The following RALGPS1 variants were observed in gnomAD, a reference collection of about 807,000 sequenced individuals.
RALGPS1 encodes the protein Ral GEF with PH domain and SH3 binding motif 1, also known as ras-specific guanine nucleotide-releasing factor RalGPS1.
Under a neutral mutation model 78.8 loss-of-function variants are expected in RALGPS1, and 19 were observed. The observed-to-expected ratio is 0.24, with a 90% CI of 0.17 to 0.35. The LOEUF (loss-of-function observed/expected upper bound fraction) is 0.35, where lower values mean the gene tolerates loss of function less well. RALGPS1 is among the 10% of genes least tolerant of loss of function. The pLI is 1.00. For missense variants in RALGPS1, 454 were observed against 688.3 expected (o/e 0.66, Z 3.81); for synonymous variants, 228 against 256.3 (o/e 0.89, Z 1.06).
At position 127,183,391 on chromosome 9, in the gene RALGPS1, T is replaced by C. The variant is rs2060410929; in HGVS notation, c.910+8609T>C. 6.6e-6 allele frequency among the ~76,000 whole-genome samples: 1 copy of C among 152,128 alleles called. No individual in the cohort carries two copies. Among genetic ancestry groups the C allele is most frequent in the Admixed American group, 6.5e-5 (1 of 15,268 alleles). Reference sequence around the variant, plus strand: ...TTCCATGCCCCCCCGCAAAGTCTGGTGCCCACTGCCAGCTTCCTGATGTTT... The same window carrying C: ...TTCCATGCCCCCCCGCAAAGTCTGGCGCCCACTGCCAGCTTCCTGATGTTT... On this transcript the variant is annotated intron_variant, in intron 11 of 18. Transcript: ENST00000259351. The surrounding 1 kb of genome is among the most constrained non-coding windows in gnomAD (Gnocchi z 4.0).
At chr9:127,061,966 T>TA (rs1302585702) in intron 7 of RALGPS1, among the ~76,000 whole-genome samples, 1 of 152,164 alleles carries the variant, frequency 6.6e-6, no homozygotes, top group East Asian at 1.9e-4. Context: ...ATGGTTGGAA[T>TA]AAAAAAATTA....
intron 1 of RALGPS1, among the ~76,000 whole-genome samples, chr9:126,933,895 T>C (rs896661279): frequency 1.1e-4 from 17 of 151,782 alleles, no homozygotes; most frequent in African/African-American, 4.1e-4. Flanking sequence ...GGCAGGAGAG[T>C]TTGTGTCCAG....
At chr9:127,146,283 C>T (rs2058088820) in intron 8 of RALGPS1, among the ~76,000 whole-genome samples, 1 of 152,128 alleles carries the variant, frequency 6.6e-6, no homozygotes, top group Non-Finnish European at 1.5e-5. Context: ...TCCATGTGTA[C>T]CCTGCGTTTA....
intron 17 of RALGPS1, among the ~76,000 whole-genome samples, chr9:127,214,363 T>A (rs1438751375): frequency 6.6e-6 from 1 of 152,244 alleles, no homozygotes; most frequent in Non-Finnish European, 1.5e-5. Context: ...TACAGTGCAG[T>A]ATCGGACCGT....
chr9:127,150,992 G>T (rs1588181533), intron 8 of RALGPS1, among the ~76,000 whole-genome samples: 1 of 152,182 alleles, frequency 6.6e-6, no homozygotes, highest in East Asian at 1.9e-4. Context: ...GACCATCCTG[G>T]CCAACATGGT....
intron 7 of RALGPS1, among the ~76,000 whole-genome samples, chr9:127,060,185 G>C (rs2049084682): frequency 6.6e-6 from 1 of 152,126 alleles, no homozygotes; most frequent in African/African-American, 2.4e-5. Flanking sequence ...GACACGTCAG[G>C]TATTGCTGCA....
chr9:127,097,720 C>T (rs1158651728), intron 8 of RALGPS1, among the ~76,000 whole-genome samples: 4 of 152,202 alleles, frequency 2.6e-5, no homozygotes, highest in Non-Finnish European at 5.9e-5. Context: ...ATAGCTGTTC[C>T]ATATAAATAA....
At chr9:127,002,765 A>G (rs966734810) in intron 4 of RALGPS1, among the ~76,000 whole-genome samples, 1 of 151,976 alleles carries the variant, frequency 6.6e-6, no homozygotes, top group Non-Finnish European at 1.5e-5. Context: ...GTCCTTACAA[A>G]GGACATGAAC....
At chr9:126,928,241 G>T (rs2035481311) in intron 1 of RALGPS1, among the ~76,000 whole-genome samples, 1 of 152,214 alleles carries the variant, frequency 6.6e-6, no homozygotes, top group African/African-American at 2.4e-5. Flanking sequence ...CACAGATCCA[G>T]TTGCCACTGA....
chr9:127,135,629 C>T (rs1281651355), intron 8 of RALGPS1, among the ~76,000 whole-genome samples: 3 of 152,226 alleles, frequency 2.0e-5, no homozygotes, highest in African/African-American at 7.2e-5. Flanking sequence ...AGGGGCCCTC[C>T]CCACCACTGA....
intron 8 of RALGPS1, 140 bp from the exon 9 acceptor site, chr9:127,165,929 T>C: frequency 7.7e-7 from 1 of 1,291,240 alleles, no homozygotes; most frequent in South Asian, 1.8e-5. Context: ...GTAATCAGGA[T>C]TGGAATTAAA....
At chr9:127,216,597 T>TA (rs1162806349) in intron 18 of RALGPS1, among the ~76,000 whole-genome samples, 1 of 152,258 alleles carries the variant, frequency 6.6e-6, no homozygotes, top group Non-Finnish European at 1.5e-5. Context: ...TCTAAGATGA[T>TA]ACACAAGAAA....
At chr9:127,083,095 T>G (rs1352848603) in intron 8 of RALGPS1, among the ~76,000 whole-genome samples, 2 of 152,110 alleles carry the variant, frequency 1.3e-5, no homozygotes, top group Non-Finnish European at 1.5e-5. Flanking sequence ...CAAAATATGG[T>G]CCTGGAGAGG....
Position 127,205,337 on chromosome 9 carries a change from A to C in RALGPS1, c.1247+6271A>C, listed in dbSNP as rs1196973971. Among the ~76,000 whole-genome samples, 1 of 152,174 alleles carries C rather than the reference A, an allele frequency of 6.6e-6. No homozygotes were observed. The highest frequency in any genetic ancestry group is 6.5e-5 in the Admixed American group (1 of 15,282). ...TGGCAGCCCAGTTAGAAAATTTGCCAGCTTCTGATTTGGGTTTCCCTCCGA... is the reference window on the plus strand; with the variant it reads ...TGGCAGCCCAGTTAGAAAATTTGCCCGCTTCTGATTTGGGTTTCCCTCCGA... On this transcript the variant is annotated intron_variant, in intron 14 of 18. Transcript: ENST00000259351. The surrounding 1 kb of genome is among the most constrained non-coding windows in gnomAD (Gnocchi z 4.0).
chr9:127,206,301 AAG>A (rs1289688106), intron 14 of RALGPS1, among the ~76,000 whole-genome samples: 1 of 152,228 alleles, frequency 6.6e-6, no homozygotes, highest in African/African-American at 2.4e-5. Flanking sequence ...GCTGCTAATG[AAG>A]ACATACCCGA....
intron 5 of RALGPS1, among the ~76,000 whole-genome samples, chr9:127,035,667 C>A (rs540180955): frequency 5.3e-5 from 8 of 152,202 alleles, no homozygotes; most frequent in African/African-American, 1.9e-4. Flanking sequence ...CAGCCTTGAC[C>A]TTCCACCCCA....
chr9:127,219,123 C>T lies in RALGPS1; in HGVS notation c.*354C>T. ...GCACAGAGTGGACAGCGCTAACTAA[C>T]CTGTGAGAGGGGCCCGAGAGAAGGA... On this transcript the variant is annotated 3_prime_UTR_variant, in exon 19 of 19. Coordinates refer to ENST00000259351, the MANE Select transcript of RALGPS1 (RefSeq NM_014636.3). This position sits in a 1 kb window ranked among gnomAD's most constrained non-coding sequence, Gnocchi z 5.0. 1 of 311,348 alleles carries T rather than the reference C, an allele frequency of 3.2e-6. No homozygotes were observed. The highest frequency in any genetic ancestry group is 6.2e-6 in the Non-Finnish European group (1 of 162,266). 19.3% of individuals were successfully genotyped at this position (311,348 alleles called of 1,614,324 possible).
At chr9:127,176,731 C>T (rs993774692) in intron 11 of RALGPS1, among the ~76,000 whole-genome samples, 5 of 152,320 alleles carry the variant, frequency 3.3e-5, no homozygotes, top group Middle Eastern at 3.4e-3. Flanking sequence ...ACCCATCTCC[C>T]GGTGCCCCTT....
intron 8 of RALGPS1, among the ~76,000 whole-genome samples, chr9:127,135,899 A>G (rs1269743987): frequency 6.6e-6 from 1 of 152,244 alleles, no homozygotes; most frequent in South Asian, 2.1e-4. Flanking sequence ...CAAGTGTTAA[A>G]TCCTGAAATG....
Sources: allele counts gnomAD v4.1 joint callset (sites outside exome capture counted in the v4.1 genomes callset), GRCh38; gene constraint gnomAD v4.1.1; non-coding constraint Gnocchi (gnomAD v3.1); transcripts MANE v1.5; gene names NCBI Gene and HGNC (gene_info 2026-07-23, HGNC 2026-07-21).